The following WDR45 variants were observed in gnomAD, a reference collection of about 807,000 sequenced individuals.
The protein encoded by WDR45 is WD repeat domain 45, also known as WD repeat domain phosphoinositide-interacting protein 4.
Under a neutral mutation model 27.3 loss-of-function variants are expected in WDR45, and 2 were observed. The ratio of observed to expected loss-of-function variants is 0.07; its 90% CI spans 0.03 to 0.23. WDR45 has a LOEUF of 0.23. Among genes scored for constraint, WDR45 ranks in the 10% least tolerant of loss-of-function variants. The probability of loss-of-function intolerance (pLI) is 1.00; values close to 1 mark genes in which losing one functional copy is unlikely to be tolerated. For synonymous variants in WDR45, 99 were observed against 119.2 expected (o/e 0.83, Z 1.11); for missense variants, 175 against 311.9 (o/e 0.56, Z 3.31).
intron 1 of WDR45, among the ~76,000 whole-genome samples, 159 bp from the exon 2 acceptor site, chrX:49,078,271 C>T (rs1557084591): frequency 8.9e-6 from 1 of 112,749 alleles, no homozygotes; most frequent in African/African-American, 3.2e-5. Context: ...CCTGTAATCC[C>T]AGCACTTTGG....
chrX:49,089,145 G>A (rs2079059973), intron 2 of WDR45, among the ~76,000 whole-genome samples: 1 of 110,643 alleles, frequency 9.0e-6, no homozygotes, highest in Admixed American at 9.7e-5. Flanking sequence ...AAAATTAGCT[G>A]GGCGTGGTGG....
upstream of WDR45, chrX:49,080,019 C>A (rs1221069881): frequency 8.8e-6 from 1 of 113,188 alleles, no homozygotes; most frequent in African/African-American, 3.2e-5. Context: ...GTGGGGTTCT[C>A]CGGGGAGGGC....
chrX:49,100,566 T>C (rs1242783489), intron 1 of WDR45: 3 of 113,989 alleles, frequency 2.6e-5, no homozygotes, highest in Non-Finnish European at 3.7e-5. Flanking sequence ...TGTAAAAAGA[T>C]AAGTGGTCAC....
chrX:49,076,464 C>T lies in WDR45; in HGVS notation c.402G>A (p.Lys134=), dbSNP rs1216999594. ...YVYSFPDNPR[K]LFEFDTRDNP... ...TGTCCCGGGTATCAAACTCAAACAG[C>T]TTTCGGGGATTGTCGGGGAAGGAGT... is the stretch of plus-strand genomic sequence containing the variant. The change falls in exon 6 of 11, where the codon AAG becomes AAA. Residue 134 remains lysine, a synonymous_variant. Coordinates refer to ENST00000376372, the MANE Select transcript of WDR45 (RefSeq NM_001029896.2). 11 of 1,210,759 alleles carry T rather than the reference C, an allele frequency of 9.1e-6. No individual in the cohort carries two copies. Among genetic ancestry groups the T allele is most frequent in the Admixed American group, 2.2e-5 (1 of 45,805 alleles).
Position 49,075,281 on chromosome X carries a change from C to T in WDR45, c.828G>A (p.Ala276=). The T allele has an allele frequency of 8.3e-7, 1 of 1,211,120 alleles. No homozygotes were observed. The highest frequency in any genetic ancestry group is 1.1e-6 in the Non-Finnish European group (1 of 894,913). Residue 276 remains alanine, a splice_region_variant and synonymous_variant, in exon 10 of 11, where the codon GCG becomes GCA. Coordinates refer to ENST00000376372, the MANE Select transcript of WDR45 (RefSeq NM_001029896.2). The part of the protein sequence containing the change: ...LKDTRLNRRS[A]LARVGKVGPM... ...GCCCCACCTTGCCCACGCGAGCCAG[C>T]CTGCAGGCAGCACTGGCTAAGCCCA...
At chrX:49,076,853 G>A (rs782598566) in intron 4 of WDR45, 103 bp from the exon 5 acceptor site, 1 of 646,940 alleles carries the variant, frequency 1.5e-6, no homozygotes, top group Non-Finnish European at 2.5e-6. Context: ...CAACCTACTT[G>A]CTTAGCCTTT....
chrX:49,087,051 G>GTT (rs1265269788), intron 2 of WDR45, among the ~76,000 whole-genome samples: 3 of 99,072 alleles, frequency 3.0e-5, no homozygotes, highest in South Asian at 4.7e-4. Context: ...TTTGTTTTTT[G>GTT]TTTTTTTTTT....
In WDR45 at chrX:49,075,389, C is replaced by T. The variant is rs2065030848; in HGVS notation, c.802G>A (p.Asp268Asn). 1 of 1,204,867 alleles carries T rather than the reference C, an allele frequency of 8.3e-7. No individual in the cohort carries two copies. Among genetic ancestry groups the T allele is most frequent in the Non-Finnish European group, 1.1e-6 (1 of 891,832 alleles). The change falls in exon 9 of 11, where the codon GAT becomes AAT. Residue 268 changes from aspartate (D) to asparagine (N), a missense_variant. By Grantham distance (23) the Asp-to-Asn change is conservative. Coordinates refer to ENST00000376372, the MANE Select transcript of WDR45 (RefSeq NM_001029896.2). The stretch of plus-strand genomic sequence containing the variant: ...GCGGAGCGGCGGTTGAGGCGGGTAT[C>T]CTTGAGAGCAAAGATATGGACAGTA... ...KGTVHIFALK[D>N]TRLNRRSALA...
Position 49,077,713 on chromosome X carries a change from C to A in WDR45, c.165G>T (p.Glu55Asp). The A allele has an allele frequency of 8.3e-7, 1 of 1,200,664 alleles. No homozygotes were observed. Among genetic ancestry groups the A allele is most frequent in the Non-Finnish European group, 1.1e-6 (1 of 889,846 alleles). ...CCAGAAGGTTGGAGCGGTGCAGCAT[C>A]TCCACCAAGCCCATGCTGCCCACCT... The part of the protein sequence containing the change: ...HEQVGSMGLV[E>D]MLHRSNLLAL... Residue 55 changes from glutamate to aspartate, a missense_variant, in exon 4 of 11, where the codon GAG becomes GAT. By Grantham distance (45) the Glu-to-Asp change is conservative (BLOSUM62 2). Coordinates refer to ENST00000376372, the MANE Select transcript of WDR45 (RefSeq NM_001029896.2).
chrX:49,090,095 C>G (rs1338560580), intron 2 of WDR45, among the ~76,000 whole-genome samples: 3 of 110,020 alleles, frequency 2.7e-5, no homozygotes, highest in African/African-American at 9.9e-5. Context: ...AGACAGGAGT[C>G]TGACTCTGTC....
rs2065047476 is a variant in WDR45, at chrX:49,077,967, G to T, written c.56-56C>A. 1.9e-5 allele frequency: 23 copies of T among 1,207,702 alleles called. No homozygotes were observed. The South Asian group carries it at 3.9e-4, about 20-fold the overall frequency. On this transcript the variant is annotated intron_variant, in intron 2 of 10. Coordinates refer to ENST00000376372, the MANE Select transcript of WDR45 (RefSeq NM_001029896.2). The stretch of plus-strand genomic sequence containing the variant: ...AAAGAATGCCCAGGTAGGAAGCTGG[G>T]GGCCCATGGCCCACTTCTGACCCCT...
intron 2 of WDR45, among the ~76,000 whole-genome samples, chrX:49,097,183 C>A (rs1171592485): frequency 7.2e-5 from 8 of 111,881 alleles, no homozygotes; most frequent in African/African-American, 2.6e-4. Context: ...CTTTTCCTCC[C>A]CCATCTTCTT....
chrX:49,100,176 T>G (rs2065140540), intron 2 of WDR45: 1 of 111,516 alleles, frequency 9.0e-6, no homozygotes, highest in Non-Finnish European at 1.9e-5. Flanking sequence ...TTTATAATGC[T>G]TGCAATATAT....
chrX:49,075,073 A>G (rs968428723), intron 10 of WDR45, 63 bp downstream of exon 10: 1 of 1,191,036 alleles, frequency 8.4e-7, no homozygotes, highest in Non-Finnish European at 1.1e-6. Flanking sequence ...AAATCCTTTC[A>G]GGTCCAACCT....
At chrX:49,082,756 T>C (rs1487026045), upstream of WDR45, among the ~76,000 whole-genome samples, 23 of 110,965 alleles carry the variant, frequency 2.1e-4, no homozygotes, top group Middle Eastern at 4.7e-3. Flanking sequence ...CTCTGTCACC[T>C]AGGCTGGACT....
upstream of WDR45, chrX:49,080,034 G>C (rs2065059796): frequency 8.8e-6 from 1 of 113,277 alleles, no homozygotes; most frequent in African/African-American, 3.2e-5. Flanking sequence ...GAGGGCGCGG[G>C]GAGCGGAGGA....
At chrX:49,087,542 G>A (rs1557086091) in intron 2 of WDR45, among the ~76,000 whole-genome samples, 1 of 111,436 alleles carries the variant, frequency 9.0e-6, no homozygotes, top group African/African-American at 3.3e-5. Flanking sequence ...TAAATAAAAT[G>A]AAATGAAAGA....
At chrX:49,080,369 G>T (rs1366454259), upstream of WDR45, 1 of 111,732 alleles carries the variant, frequency 8.9e-6, no homozygotes, top group African/African-American at 3.3e-5. Flanking sequence ...GGAAGCCAAG[G>T]AACAGATTTC....
intron 2 of WDR45, among the ~76,000 whole-genome samples, chrX:49,091,755 CAAAAAAAAAAAAAA>C (rs1162476660): frequency 2.8e-5 from 1 of 35,196 alleles, no homozygotes; most frequent in Admixed American, 5.8e-4. Context: ...GACTCCGTCT[CAAAAAAAAAAAAAA>C]AAAAAAAAAA....
Sources: allele counts gnomAD v4.1 joint callset (sites outside exome capture counted in the v4.1 genomes callset), GRCh38; gene constraint gnomAD v4.1.1; transcripts MANE v1.5; gene names NCBI Gene and HGNC (gene_info 2026-07-23, HGNC 2026-07-21).